FAM83B: variants seen among roughly 807,000 people sequenced by gnomAD.
FAM83B encodes the protein protein FAM83B.
A neutral mutation model predicts 38.8 loss-of-function variants in FAM83B; 26 were observed. The ratio of observed to expected loss-of-function variants is 0.67; its 90% confidence interval spans 0.49 to 0.93. The LOEUF (loss-of-function observed/expected upper bound fraction) is 0.93, where lower values mean the gene tolerates loss of function less well. Among genes scored for constraint, FAM83B ranks in the 40% least tolerant of loss-of-function variants. The pLI, the probability that FAM83B is intolerant of heterozygous loss-of-function variation, is 0.00. For missense variants in FAM83B, 1,237 were observed against 1,197.3 expected, an observed-to-expected ratio of 1.03 and a Z score of -0.49; for synonymous variants, 419 against 423.1, an observed-to-expected ratio of 0.99 and a Z score of 0.12.
intron 4 of FAM83B, among the ~76,000 whole-genome samples, chr6:54,933,424 C>A (rs575514949): frequency 9.2e-5 from 14 of 151,864 alleles, no homozygotes; most frequent in African/African-American, 3.1e-4. Context: ...GTTTTTAGCT[C>A]ATTGAGCATT....
intron 2 of FAM83B, among the ~76,000 whole-genome samples, chr6:54,915,812 CAAAAAAAAAAAAAAAAAA>C: frequency 5.5e-5 from 1 of 18,048 alleles, no homozygotes; most frequent in East Asian, 1.4e-3. Flanking sequence ...GACTCCGTCT[CAAAAAAAAAAAAAAAAAA>C]AAAAAAAGAA....
intron 2 of FAM83B, among the ~76,000 whole-genome samples, chr6:54,916,846 CT>C (rs1402051556): frequency 6.6e-6 from 1 of 152,196 alleles, no homozygotes; most frequent in African/African-American, 2.4e-5. Flanking sequence ...GAAATATCTA[CT>C]TTTATATGTT....
Position 54,939,687 on chromosome 6 carries a change from T to C in FAM83B, c.735-19T>C, listed in dbSNP as rs1485455167. On this transcript the variant is annotated intron_variant, in intron 4 of 4. Coordinates refer to ENST00000306858, the MANE Select transcript of FAM83B (RefSeq NM_001010872.3). The stretch of plus-strand genomic sequence containing the variant: ...ATCAATCTTTTAAATGATTAAAATT[T>C]TTCCATTTTTTTCCCCAGTTATATG... The C allele has an allele frequency of 6.5e-7, 1 of 1,541,452 alleles. No individual in the cohort carries two copies. Among genetic ancestry groups the C allele is most frequent in the East Asian group, 2.3e-5 (1 of 44,232 alleles).
chr6:54,913,334 G>A (rs185942990), intron 2 of FAM83B, among the ~76,000 whole-genome samples: 1 of 152,132 alleles, frequency 6.6e-6, no homozygotes, highest in East Asian at 1.9e-4. Flanking sequence ...TTTATTCATA[G>A]CCACTATTTA....
intron 2 of FAM83B, among the ~76,000 whole-genome samples, chr6:54,878,621 C>G (rs563231918): frequency 6.6e-6 from 1 of 152,188 alleles, no homozygotes; most frequent in South Asian, 2.1e-4. Context: ...TTGGACCCGA[C>G]AGCAAAGAGG....
intron 1 of FAM83B, among the ~76,000 whole-genome samples, chr6:54,862,181 G>A (rs73437777): frequency 0.096 from 14,669 of 152,246 alleles, 803 homozygotes; most frequent in African/African-American, 0.15. Flanking sequence ...TTATAATAGA[G>A]GATTAGTAGA....
At chr6:54,933,825 C>T (rs1773473464) in intron 4 of FAM83B, among the ~76,000 whole-genome samples, 1 of 152,130 alleles carries the variant, frequency 6.6e-6, no homozygotes, top group African/African-American at 2.4e-5. Context: ...AAGCCAGTCT[C>T]TTGGGCTGCA....
chr6:54,874,986 A>C (rs1484682428), intron 2 of FAM83B, among the ~76,000 whole-genome samples: 3 of 152,170 alleles, frequency 2.0e-5, no homozygotes, highest in African/African-American at 7.2e-5. Flanking sequence ...GAGGAAGATG[A>C]ACAGGTGATG....
rs1773652207 is a variant in FAM83B at position 54,940,582 on chromosome 6, T to C, written c.1611T>C (p.His537=). The C allele has an allele frequency of 6.2e-7, 1 of 1,613,988 alleles. No individual in the cohort carries two copies. The highest frequency in any genetic ancestry group is 1.1e-5 in the South Asian group (1 of 91,090). Reference sequence around the variant, plus strand: ...TGAAGGCCAATGCCCTTTATACTCATTCTCGGCTTCGTTCCTCTTTAGTAT... The same window carrying C: ...TGAAGGCCAATGCCCTTTATACTCACTCTCGGCTTCGTTCCTCTTTAGTAT... ...ENLKANALYT[H]SRLRSSLVFK... The change falls in exon 5 of 5, where the codon CAT becomes CAC. Residue 537 remains histidine (H), a synonymous_variant. Transcript: ENST00000306858.
chr6:54,941,053 A>T lies in FAM83B; in HGVS notation c.2082A>T (p.Arg694Ser), dbSNP rs199698013. ...VYSTLTRNRV[R>S]QPEKPKEDLL... ...GTACACTTACCAGGAATCGAGTTAG[A>T]CAACCAGAAAAGCCCAAAGAAGATT... Residue 694 changes from arginine to serine, a missense_variant, in exon 5 of 5, where the codon AGA becomes AGT. Coordinates refer to ENST00000306858, the MANE Select transcript of FAM83B (RefSeq NM_001010872.3). 6 of 1,613,574 alleles carry T rather than the reference A, an allele frequency of 3.7e-6. No homozygotes were observed. The highest frequency in any genetic ancestry group is 4.2e-6 in the Non-Finnish European group (5 of 1,179,940).
chr6:54,870,505 T>A lies in FAM83B; in HGVS notation c.259T>A (p.Leu87Ile). 6.2e-7 allele frequency: 1 copy of A among 1,614,070 alleles called. No individual in the cohort carries two copies. Among genetic ancestry groups the A allele is most frequent in the Non-Finnish European group, 8.5e-7 (1 of 1,179,972 alleles). Residue 87 changes from leucine (L) to isoleucine (I), a missense_variant, in exon 2 of 5, where the codon TTA becomes ATA. By Grantham distance (5) the Leu-to-Ile change is conservative. Transcript: ENST00000306858. The stretch of plus-strand genomic sequence containing the variant: ...TACTGATGATTCCTGTGATGATACC[T>A]TATCTTCAGGGACCTACTGGCCTGT... ...HGTDDSCDDT[L>I]SSGTYWPVES...
intron 2 of FAM83B, among the ~76,000 whole-genome samples, chr6:54,880,416 C>T (rs530491324): frequency 4.7e-5 from 7 of 147,960 alleles, no homozygotes; most frequent in East Asian, 2.0e-4. Context: ...TTTACTAGTG[C>T]GACAAATGTA....
At chr6:54,854,841 G>A (rs561049523) in intron 1 of FAM83B, among the ~76,000 whole-genome samples, 3 of 152,172 alleles carry the variant, frequency 2.0e-5, no homozygotes, top group South Asian at 4.2e-4. Context: ...TACAATTGAC[G>A]ATTGATTACT....
chr6:54,873,365 A>G (rs1435707033), intron 2 of FAM83B, among the ~76,000 whole-genome samples: 1 of 152,232 alleles, frequency 6.6e-6, no homozygotes, highest in South Asian at 2.1e-4. Flanking sequence ...TTAAAAAATT[A>G]AGATTATTTA....
At chr6:54,850,461 A>C (rs1771245789) in intron 1 of FAM83B, among the ~76,000 whole-genome samples, 1 of 151,902 alleles carries the variant, frequency 6.6e-6, no homozygotes, top group Non-Finnish European at 1.5e-5. Context: ...CTTTGGCCAA[A>C]TTTTCATTTC....
intron 3 of FAM83B, 54 bp downstream of exon 3, chr6:54,926,589 A>G: frequency 2.2e-6 from 3 of 1,384,566 alleles, no homozygotes; most frequent in Non-Finnish European, 2.9e-6. Flanking sequence ...TTTTCAACTC[A>G]GTCAAATGTA....
intron 2 of FAM83B, among the ~76,000 whole-genome samples, chr6:54,915,599 G>A (rs1304365260): frequency 1.1e-5 from 1 of 92,504 alleles, no homozygotes; most frequent in East Asian, 2.0e-4. Context: ...GAGGTCAGGA[G>A]ATCGAGACCA....
intron 1 of FAM83B, among the ~76,000 whole-genome samples, chr6:54,865,637 A>G (rs1771682420): frequency 6.6e-6 from 1 of 152,144 alleles, no homozygotes; most frequent in Non-Finnish European, 1.5e-5. Context: ...GTTTCAGTCA[A>G]AATTCTGACT....
intron 1 of FAM83B, among the ~76,000 whole-genome samples, chr6:54,854,840 C>T (rs147093128): frequency 4.6e-5 from 7 of 152,148 alleles, no homozygotes; most frequent in African/African-American, 1.2e-4. Flanking sequence ...ATACAATTGA[C>T]GATTGATTAC....
Sources: gnomAD v4.1 joint callset for allele counts (sites outside exome capture counted in the v4.1 genomes callset) on GRCh38, gnomAD v4.1.1 for gene constraint, MANE v1.5 for transcripts, NCBI Gene and HGNC (gene_info 2026-07-23, HGNC 2026-07-21) for gene names.